Variants in RALYL observed in about 807,000 individuals in gnomAD.
The protein encoded by RALYL is RALY RNA binding protein like, also known as RNA-binding Raly-like protein.
A neutral mutation model predicts 35.1 loss-of-function variants in RALYL; 29 were observed. The observed-to-expected ratio is 0.83, with a 90% CI of 0.61 to 1.13. RALYL has a LOEUF of 1.13. Among genes scored for constraint, RALYL ranks in the 50% most tolerant of loss-of-function variants. The pLI is 0.00. For synonymous variants in RALYL, 120 were observed against 127.6 expected (o/e 0.94, Z 0.40); for missense variants, 359 against 360.4 (o/e 1.00, Z 0.03).
intron 2 of RALYL, among the ~76,000 whole-genome samples, chr8:84,646,786 TA>T (rs1200327459): frequency 6.6e-6 from 1 of 152,068 alleles, no homozygotes; most frequent in Non-Finnish European, 1.5e-5. Context: ...CTACTGTCAA[TA>T]ACTCCCTGCT....
rs200674363 is a variant in RALYL, at chr8:84,193,024, AT to A, written c.-24+8608del. 8.3e-3 allele frequency among the ~76,000 whole-genome samples: 1,255 copies of A among 151,510 alleles called. 11 individuals carry two copies. The highest frequency in any genetic ancestry group is 0.028 in the African/African-American group (1,145 of 41,270). The stretch of plus-strand genomic sequence containing the variant: ...TCTTTCTAGTATTCCATCTATTTGA[AT>A]TTTTTTTCGTAAGGAAAGTTGAATA... On this transcript the variant is annotated intron_variant, in intron 1 of 8. Transcript: ENST00000521268.
intron 2 of RALYL, among the ~76,000 whole-genome samples, chr8:84,631,339 T>G (rs1823865156): frequency 6.6e-6 from 1 of 152,112 alleles, no homozygotes; most frequent in African/African-American, 2.4e-5. Flanking sequence ...GGGTTCATAT[T>G]TGAGTTCTGA....
At chr8:84,514,091 A>G (rs1415195076) in intron 1 of RALYL, among the ~76,000 whole-genome samples, 2 of 55,310 alleles carry the variant, frequency 3.6e-5, no homozygotes, top group Non-Finnish European at 7.4e-5. Flanking sequence ...GATTTCATCT[A>G]AAAAAAAAAA....
At chr8:84,508,998 AT>A (rs2057394998) in intron 1 of RALYL, among the ~76,000 whole-genome samples, 1 of 152,094 alleles carries the variant, frequency 6.6e-6, no homozygotes, top group Admixed American at 6.6e-5. Flanking sequence ...TTCCAAAAAT[AT>A]TTTTCTGCTT....
At chr8:84,393,208 C>A (rs1861089711) in intron 1 of RALYL, among the ~76,000 whole-genome samples, 1 of 152,032 alleles carries the variant, frequency 6.6e-6, no homozygotes, top group Non-Finnish European at 1.5e-5. Context: ...TCACTCAGGC[C>A]TGGGATCTCA....
chr8:84,226,584 G>A lies in RALYL; in HGVS notation c.-24+42160G>A, dbSNP rs944315736. 4.9e-5 allele frequency among the ~76,000 whole-genome samples: 7 copies of A among 142,886 alleles called. No individual in the cohort carries two copies. The Admixed American group carries it at 5.0e-4, about 10-fold the overall frequency. 93.7% of individuals were successfully genotyped at this position (142,886 alleles called of 152,430 possible). A position where few individuals can be genotyped will look rare whatever the true frequency, so the allele number is the denominator to read the frequency against. On this transcript the variant is annotated intron_variant, in intron 1 of 8. Coordinates refer to ENST00000521268, the MANE Select transcript of RALYL (RefSeq NM_173848.7). ...GGGATTACAGTGTATATACATATAT[G>A]AAATAAATGGTGGCTGGGAAGCAAT...
At chr8:84,841,089 A>G (rs1833197535) in intron 4 of RALYL, among the ~76,000 whole-genome samples, 1 of 152,198 alleles carries the variant, frequency 6.6e-6, no homozygotes. Context: ...CTAACATCAT[A>G]ATGACAGGAT....
In RALYL at chr8:84,632,583, C is replaced by CTGTGTGTGTG. The variant is rs112708469; in HGVS notation, c.256+103028_256+103037dup. 4.1e-3 allele frequency among the ~76,000 whole-genome samples: 597 copies of CTGTGTGTGTG among 145,168 alleles called. 3 individuals carry two copies. Among genetic ancestry groups the CTGTGTGTGTG allele is most frequent in the African/African-American group, 0.014 (560 of 39,734 alleles). ...TATTTGGTTGTGACTTTATATAGAC[C>CTGTGTGTGTG]TGTGTGTGTGTGTGTGTGTGTGTGT... On this transcript the variant is annotated intron_variant, in intron 2 of 8. Coordinates refer to ENST00000521268, the MANE Select transcript of RALYL (RefSeq NM_173848.7).
chr8:84,399,168 G>A (rs2042643410), intron 1 of RALYL, among the ~76,000 whole-genome samples: 2 of 152,118 alleles, frequency 1.3e-5, no homozygotes, highest in Admixed American at 6.5e-5. Context: ...AATATCACAA[G>A]CAGCAGGAGT....
At chr8:84,420,406 T>C (rs1245355967) in intron 1 of RALYL, among the ~76,000 whole-genome samples, 1 of 152,166 alleles carries the variant, frequency 6.6e-6, no homozygotes, top group South Asian at 2.1e-4. Flanking sequence ...TGTTTTTTTC[T>C]TGTACATTTG....
At chr8:84,670,507 C>T (rs1832997927) in intron 2 of RALYL, among the ~76,000 whole-genome samples, 1 of 151,992 alleles carries the variant, frequency 6.6e-6, no homozygotes, top group Non-Finnish European at 1.5e-5. Flanking sequence ...GAAGAAATAC[C>T]CAAGGCTGTG....
intron 3 of RALYL, among the ~76,000 whole-genome samples, chr8:84,780,945 G>A (rs1220307209): frequency 6.6e-6 from 1 of 152,062 alleles, no homozygotes; most frequent in African/African-American, 2.4e-5. Flanking sequence ...TGCAACCTCC[G>A]CCTCCCAGGT....
chr8:84,661,901 T>C (rs1277924811), intron 2 of RALYL, among the ~76,000 whole-genome samples: 3 of 151,732 alleles, frequency 2.0e-5, no homozygotes, highest in Non-Finnish European at 2.9e-5. Context: ...TTCTTTGAGC[T>C]GGAGCCAGCT....
intron 1 of RALYL, among the ~76,000 whole-genome samples, chr8:84,328,181 T>TACTGTGTA (rs1215688539): frequency 6.6e-6 from 1 of 152,184 alleles, no homozygotes; most frequent in Non-Finnish European, 1.5e-5. Context: ...AGTACACAAG[T>TACTGTGTA]CTGGGCCATG....
intron 1 of RALYL, among the ~76,000 whole-genome samples, chr8:84,207,733 C>T (rs1036852221): frequency 2.0e-5 from 3 of 151,712 alleles, no homozygotes; most frequent in South Asian, 2.1e-4. Flanking sequence ...CCAACCCCCA[C>T]CCCCCAGGAA....
intron 4 of RALYL, among the ~76,000 whole-genome samples, chr8:84,821,067 A>C (rs928241459): frequency 6.6e-6 from 1 of 152,184 alleles, no homozygotes; most frequent in Non-Finnish European, 1.5e-5. Context: ...AAAGCTAATT[A>C]AGCTTACTTG....
chr8:84,483,148 G>A (rs2054224291), intron 1 of RALYL, among the ~76,000 whole-genome samples: 1 of 152,028 alleles, frequency 6.6e-6, no homozygotes, highest in African/African-American at 2.4e-5. Context: ...TTAAAATAGA[G>A]ATAACATTGT....
chr8:84,699,994 T>C (rs1367909856), intron 2 of RALYL, among the ~76,000 whole-genome samples: 3 of 152,102 alleles, frequency 2.0e-5, no homozygotes, highest in African/African-American at 7.2e-5. Context: ...TTTGTAACCA[T>C]TAAATACTTG....
At chr8:84,401,637 C>CAAAAAA (rs71271985) in intron 1 of RALYL, among the ~76,000 whole-genome samples, 4 of 17,426 alleles carry the variant, frequency 2.3e-4, no homozygotes, top group African/African-American at 3.0e-4. Context: ...GACTCTGTCT[C>CAAAAAA]AAAAAAAAAA....
Sources: allele counts gnomAD v4.1 joint callset (sites outside exome capture counted in the v4.1 genomes callset), GRCh38; gene constraint gnomAD v4.1.1; transcripts MANE v1.5; gene names NCBI Gene and HGNC (gene_info 2026-07-23, HGNC 2026-07-21).